ACLY: variants seen among roughly 807,000 people sequenced by gnomAD.
The protein encoded by ACLY is ATP-citrate synthase.
Under a neutral mutation model 133.0 loss-of-function variants are expected in ACLY, and 41 were observed. The ratio of observed to expected loss-of-function variants is 0.31; its 90% CI spans 0.24 to 0.40. The LOEUF (loss-of-function observed/expected upper bound fraction) is 0.40. Among genes scored for constraint, ACLY ranks in the 10% least tolerant of loss-of-function variants. ACLY has a pLI of 1.00. For synonymous variants in ACLY, 495 were observed against 549.3 expected (o/e 0.90, Z 1.38); for missense variants, 1,046 against 1,453.8 (o/e 0.72, Z 4.56).
chr17:41,914,637 G>A lies in ACLY; in HGVS notation c.-23-741C>T, dbSNP rs782759430. Among the ~76,000 whole-genome samples, 13 of 152,204 alleles carry A rather than the reference G, an allele frequency of 8.5e-5. No individual in the cohort carries two copies. The East Asian group carries it at 1.3e-3, about 16-fold the overall frequency. ...AACCGACCTTTAGCACATTCCACCC[G>A]CCCCACTGCGTCATCCAGCTGCTAA... On this transcript the variant is annotated intron_variant, in intron 1 of 28. Coordinates refer to ENST00000352035, the MANE Select transcript of ACLY (RefSeq NM_001096.3).
intron 12 of ACLY, among the ~76,000 whole-genome samples, chr17:41,898,112 TTTC>T (rs2049425590): frequency 1.3e-5 from 2 of 152,138 alleles, no homozygotes; most frequent in South Asian, 4.1e-4. Context: ...AAGTTTTTCT[TTTC>T]TTTTCTTTTC....
Position 41,918,946 on chromosome 17 carries a change from C to G in ACLY, c.-90G>C. Reference sequence around the variant, plus strand: ...ACGAACCCCGCAAAATCCGGAGCACCCCAGCAGCCGGTAGCTTCCCGGGAT... The same window carrying G: ...ACGAACCCCGCAAAATCCGGAGCACGCCAGCAGCCGGTAGCTTCCCGGGAT... On this transcript the variant is annotated 5_prime_UTR_variant, in exon 1 of 29. Transcript: ENST00000352035. The G allele has an allele frequency of 1.6e-6, 2 of 1,289,300 alleles. No homozygotes were observed. Among genetic ancestry groups the G allele is most frequent in the Non-Finnish European group, 2.0e-6 (2 of 988,692 alleles). 79.9% of individuals were successfully genotyped at this position (1,289,300 alleles called of 1,614,324 possible).
chr17:41,918,770 C>A lies in ACLY; in HGVS notation c.-24+110G>T, dbSNP rs1260232594. ...ACCCTCAAAACTTCCGAGCAGGGCG[C>A]GTGGGCACCGAGCCCGCGTCGGGGA... On this transcript the variant is annotated intron_variant, in intron 1 of 28. Coordinates refer to ENST00000352035, the MANE Select transcript of ACLY (RefSeq NM_001096.3). 32 of 1,228,734 alleles carry A rather than the reference C, an allele frequency of 2.6e-5. 1 individual carries two copies. The highest frequency in any genetic ancestry group is 3.2e-5 in the African/African-American group (2 of 62,228). 76.1% of individuals were successfully genotyped at this position (1,228,734 alleles called of 1,614,324 possible).
At position 41,892,234 on chromosome 17, in the gene ACLY, A is replaced by T; in HGVS notation, c.1770+45T>A. The T allele has an allele frequency of 3.2e-5, 14 of 433,890 alleles. 2 individuals are homozygous for T. The highest frequency in any genetic ancestry group is 5.7e-5 in the Non-Finnish European group (14 of 247,744). 26.9% of individuals were successfully genotyped at this position (433,890 alleles called of 1,614,324 possible). ...AGAGCCCAGTGATCTACCTGCGCATAGTTCATGGTCCCCACCCCCCACCCT... is the reference window on the plus strand; with the variant it reads ...AGAGCCCAGTGATCTACCTGCGCATTGTTCATGGTCCCCACCCCCCACCCT... On this transcript the variant is annotated intron_variant, in intron 16 of 28. Coordinates refer to ENST00000352035, the MANE Select transcript of ACLY (RefSeq NM_001096.3).
chr17:41,917,807 G>GC (rs2050091152), intron 1 of ACLY, among the ~76,000 whole-genome samples: 2 of 151,938 alleles, frequency 1.3e-5, no homozygotes, highest in Non-Finnish European at 2.9e-5. Context: ...TCCCACTACC[G>GC]CCCCCCAAGC....
At position 41,909,620 on chromosome 17, in the gene ACLY, C is replaced by T; in HGVS notation, c.426G>A (p.Val142=). Residue 142 remains valine (V), a synonymous_variant, in exon 5 of 29, where the codon GTG becomes GTA. Transcript: ENST00000352035. ...TCTGGGCCTTGGCGTCCACATCACC[C>T]ACGTCCACACCCCCCTCGTGGTGGA... ...VLFHHEGGVD[V]GDVDAKAQKL... is the part of the protein sequence containing the mutation. 1.2e-6 allele frequency: 2 copies of T among 1,614,188 alleles called. No homozygotes were observed. Among genetic ancestry groups the T allele is most frequent in the Non-Finnish European group, 1.7e-6 (2 of 1,180,030 alleles).
rs1555634054 is a variant in ACLY at position 41,913,800 on chromosome 17, A to G, written c.74T>C (p.Ile25Thr). The change falls in exon 2 of 29, where the codon ATC becomes ACC. Residue 25 changes from isoleucine (I) to threonine (T), a missense_variant. Ile to Thr is a moderately conservative substitution (Grantham distance 89). Around this residue, in one of 4 missense-constraint regions of ACLY, gnomAD observed 227 missense variants for 245.6 expected, o/e 0.92. Transcript: ENST00000352035. ...CCGAGCATACTTGAACCGATTCTGG[A>G]TGGCTGAGGTGGTACAGATGAACTT... ...LYKFICTTSA[I>T]QNRFKYARVT... The G allele has an allele frequency of 1.9e-6, 3 of 1,614,236 alleles. No homozygotes were observed. Among genetic ancestry groups the G allele is most frequent in the South Asian group, 1.1e-5 (1 of 91,082 alleles).
intron 18 of ACLY, 55 bp downstream of exon 18, chr17:41,886,057 C>G: frequency 6.4e-7 from 1 of 1,563,582 alleles, no homozygotes; most frequent in Non-Finnish European, 8.8e-7. Flanking sequence ...AGCATCGTCT[C>G]CTAGCCCACT....
At chr17:41,889,834 T>A (rs9891068) in intron 16 of ACLY, among the ~76,000 whole-genome samples, 1 of 151,944 alleles carries the variant, frequency 6.6e-6, no homozygotes, top group Non-Finnish European at 1.5e-5. Flanking sequence ...TACAGGTGTC[T>A]GCCACCATAC....
At chr17:41,908,884 G>T in intron 6 of ACLY, 105 bp downstream of exon 6, 2 of 920,330 alleles carry the variant, frequency 2.2e-6, no homozygotes, top group Non-Finnish European at 1.8e-6. Context: ...CATCTGTCTT[G>T]TGTTACCCTC....
chr17:41,891,238 AAGTTGGTCTCGAACCCCTAGCCTCAAAC>A (rs2049201981), intron 16 of ACLY, among the ~76,000 whole-genome samples: 1 of 151,956 alleles, frequency 6.6e-6, no homozygotes, highest in Admixed American at 6.6e-5. Context: ...TGTGTTGTTC[AAGTTGGTCTCGAACCCCTAGCCTCAAAC>A]AATACCCCCG....
intron 2 of ACLY, 42 bp from the exon 3 acceptor site, chr17:41,912,584 G>A (rs781803805): frequency 1.9e-6 from 3 of 1,612,812 alleles, no homozygotes; most frequent in South Asian, 1.1e-5. Flanking sequence ...GGAAGAATTA[G>A]ATAAACCGTA....
At chr17:41,869,981 G>A (rs1489322316) in intron 25 of ACLY, among the ~76,000 whole-genome samples, 1 of 152,150 alleles carries the variant, frequency 6.6e-6, no homozygotes, top group Non-Finnish European at 1.5e-5. Context: ...CTCAAGCTGT[G>A]ACAAAGTTCA....
At chr17:41,917,577 T>A (rs2050083348) in intron 1 of ACLY, among the ~76,000 whole-genome samples, 1 of 152,140 alleles carries the variant, frequency 6.6e-6, no homozygotes, top group South Asian at 2.1e-4. Context: ...GGGATGCTAC[T>A]AAGGGTGCCT....
chr17:41,930,199 T>G (rs186039082), intron 1 of ACLY, among the ~76,000 whole-genome samples: 44 of 152,364 alleles, frequency 2.9e-4, no homozygotes, highest in African/African-American at 1.0e-3. Flanking sequence ...ATTTTCATAT[T>G]TATTTGGCAG....
At chr17:41,868,037 ACT>A (rs1306915644) in intron 28 of ACLY, 133 bp from the exon 29 acceptor site, 7 of 571,374 alleles carry the variant, frequency 1.2e-5, no homozygotes, top group Non-Finnish European at 2.2e-5. Context: ...GTCCAAATCC[ACT>A]GTATAGGTAG....
At chr17:41,893,919 G>C (rs782747107) in intron 14 of ACLY, among the ~76,000 whole-genome samples, 6 of 152,158 alleles carry the variant, frequency 3.9e-5, no homozygotes, top group Non-Finnish European at 8.8e-5. Flanking sequence ...GGGCACTTAA[G>C]AGGTAAGGCG....
At chr17:41,900,035 C>CTCCAG (rs2049483181) in intron 11 of ACLY, among the ~76,000 whole-genome samples, 1 of 141,044 alleles carries the variant, frequency 7.1e-6, no homozygotes, top group South Asian at 2.3e-4. Flanking sequence ...CACCACCGCA[C>CTCCAG]TCCAGCCTGG....
At position 41,901,704 on chromosome 17, in the gene ACLY, C is replaced by T; in HGVS notation, c.1175G>A (p.Gly392Glu). Residue 392 changes from glycine (G) to glutamate (E), a missense_variant, in exon 11 of 29, where the codon GGA becomes GAA. By Grantham distance (98) the Gly-to-Glu change is moderately conservative (BLOSUM62 -2). Coordinates refer to ENST00000352035, the MANE Select transcript of ACLY (RefSeq NM_001096.3). ...PNYQEGLRVMGEVGKTTGIPI... is the reference protein window; with the variant it reads ...PNYQEGLRVMEEVGKTTGIPI... ...AAAGGTCCTCATCTTACCGACTTCTCCCATCACCCGTAAGCCCTCCTGATA... is the reference window on the plus strand; with the variant it reads ...AAAGGTCCTCATCTTACCGACTTCTTCCATCACCCGTAAGCCCTCCTGATA... 1 of 1,611,024 alleles carries T rather than the reference C, an allele frequency of 6.2e-7. No homozygotes were observed. The highest frequency in any genetic ancestry group is 8.5e-7 in the Non-Finnish European group (1 of 1,178,242).
Sources: allele counts gnomAD v4.1 joint callset (sites outside exome capture counted in the v4.1 genomes callset), GRCh38; gene constraint gnomAD v4.1.1; regional missense constraint gnomAD v4.1.1; transcripts MANE v1.5; gene names NCBI Gene and HGNC (gene_info 2026-07-23, HGNC 2026-07-21).